The following TMEM120B variants were observed in gnomAD, a reference collection of about 807,000 sequenced individuals.
TMEM120B encodes transmembrane protein 120B.
TMEM120B carries 31 observed loss-of-function variants against 55.5 expected under a neutral mutation model. The ratio of observed to expected loss-of-function variants is 0.56; its 90% confidence interval spans 0.42 to 0.75. The LOEUF is 0.75. Among genes scored for constraint, TMEM120B ranks in the 30% least tolerant of loss-of-function variants. TMEM120B has a pLI of 0.00. For synonymous variants in TMEM120B, 203 were observed against 176.3 expected (o/e 1.15, Z -1.20); for missense variants, 399 against 425.5 (o/e 0.94, Z 0.55).
chr12:121,736,496 C>A (rs1370696984), intron 1 of TMEM120B, among the ~76,000 whole-genome samples: 2 of 150,910 alleles, frequency 1.3e-5, no homozygotes, highest in African/African-American at 2.5e-5. Flanking sequence ...TCAGGTGATC[C>A]GCCTGCCTTG....
At position 121,775,158 on chromosome 12, in the gene TMEM120B, G is replaced by A; in HGVS notation, c.906+28G>A. ...ATGGGGGGTGGGGGCATGCTCGGGG[G>A]AGGTTCCCGGGAGGGCTGGGGTGGC... is the stretch of plus-strand genomic sequence containing the variant. On this transcript the variant is annotated intron_variant, in intron 11 of 11. Coordinates refer to ENST00000449592, the MANE Select transcript of TMEM120B (RefSeq NM_001080825.2). This position sits in a 1 kb window ranked among gnomAD's most constrained non-coding sequence, Gnocchi z 4.3. 7.7e-7 allele frequency: 1 copy of A among 1,292,124 alleles called. No individual in the cohort carries two copies. The highest frequency in any genetic ancestry group is 1.2e-5 in the South Asian group (1 of 84,042). 80.0% of individuals were successfully genotyped at this position (1,292,124 alleles called of 1,614,324 possible).
intron 5 of TMEM120B, among the ~76,000 whole-genome samples, chr12:121,760,125 G>T (rs1343207764): frequency 9.1e-6 from 1 of 110,424 alleles, no homozygotes; most frequent in Non-Finnish European, 1.7e-5. Context: ...GCGAAACTAC[G>T]TCTCAAAAAA....
chr12:121,774,826 G>T (rs943678724), intron 10 of TMEM120B, 104 bp downstream of exon 10: 6 of 1,409,870 alleles, frequency 4.3e-6, no homozygotes, highest in East Asian at 4.9e-5. Context: ...CCATGCTGGG[G>T]CCCACAGCAT....
intron 5 of TMEM120B, among the ~76,000 whole-genome samples, chr12:121,753,599 C>T (rs1254478009): frequency 6.6e-6 from 1 of 151,500 alleles, no homozygotes; most frequent in African/African-American, 2.4e-5. Flanking sequence ...AAAGAATGTT[C>T]TGGAGTTAGG....
At chr12:121,760,008 A>G (rs1445126761) in intron 5 of TMEM120B, among the ~76,000 whole-genome samples, 1 of 150,116 alleles carries the variant, frequency 6.7e-6, no homozygotes, top group Non-Finnish European at 1.5e-5. Context: ...GTGTGCACCC[A>G]TAGTCCCAGC....
At chr12:121,771,436 T>G in intron 7 of TMEM120B, 52 bp from the exon 8 acceptor site, 3 of 1,479,238 alleles carry the variant, frequency 2.0e-6, no homozygotes, top group Non-Finnish European at 2.8e-6. Context: ...CGGGGAGGAA[T>G]GTCTCATTTC....
chr12:121,750,814 C>A (rs1873268187), intron 4 of TMEM120B, among the ~76,000 whole-genome samples: 1 of 124,964 alleles, frequency 8.0e-6, no homozygotes, highest in Non-Finnish European at 1.7e-5. Context: ...CCATACACAA[C>A]ACCCCACACC....
chr12:121,761,727 CA>C lies in TMEM120B; in HGVS notation c.542del (p.Asn181ThrfsTer22). ...CCATTCGGGAGAGCATTCTCATCAGCAACGGCTCAAGGTACCTGGGCACCTG... is the reference window on the plus strand; with the variant it reads ...CCATTCGGGAGAGCATTCTCATCAGCACGGCTCAAGGTACCTGGGCACCTG... ...LTIRESILIS[N>X]GSRIKGWWVS... On this transcript the variant is annotated frameshift_variant, in exon 6 of 12. Coordinates refer to ENST00000449592, the MANE Select transcript of TMEM120B (RefSeq NM_001080825.2). LOFTEE classifies it high-confidence loss of function. 1 of 1,613,724 alleles carries C rather than the reference CA, an allele frequency of 6.2e-7. No individual in the cohort carries two copies. The highest frequency in any genetic ancestry group is 1.1e-5 in the South Asian group (1 of 91,072).
At position 121,734,100 on chromosome 12, in the gene TMEM120B, C is replaced by T. The variant is rs77209278; in HGVS notation, c.70-9529C>T. ...TTTTTATCTACGGTGCATAAAACAA[C>T]GGCTGCCTGATGCTCGTGGATTCTG... On this transcript the variant is annotated intron_variant, in intron 1 of 11. Transcript: ENST00000449592. 0.011 allele frequency among the ~76,000 whole-genome samples: 1,603 copies of T among 152,108 alleles called. 58 individuals are homozygous for T. The East Asian group carries it at 0.15, about 14-fold the overall frequency.
chr12:121,766,617 C>A (rs1220550217), intron 6 of TMEM120B, among the ~76,000 whole-genome samples: 1 of 152,150 alleles, frequency 6.6e-6, no homozygotes, highest in Non-Finnish European at 1.5e-5. Flanking sequence ...GTCACTGTTG[C>A]CAGAGGACTG....
At chr12:121,746,472 C>T (rs1220973417) in intron 2 of TMEM120B, among the ~76,000 whole-genome samples, 2 of 152,128 alleles carry the variant, frequency 1.3e-5, no homozygotes, top group Admixed American at 6.5e-5. Flanking sequence ...CAGGCTTGAG[C>T]CACTGCACCC....
rs917388345 is a variant in TMEM120B at position 121,781,907 on chromosome 12, G to C, written c.*6185G>C. 3 of 152,232 alleles carry C rather than the reference G, an allele frequency of 2.0e-5. No individual in the cohort carries two copies. Among genetic ancestry groups the C allele is most frequent in the African/African-American group, 7.2e-5 (3 of 41,448 alleles). The allele number at this position is 152,232 out of a possible 1,614,324, so 9.4% of individuals were successfully genotyped here. A position where few individuals can be genotyped will look rare whatever the true frequency, so the allele number is the denominator to read the frequency against. On this transcript the variant is annotated 3_prime_UTR_variant, in exon 12 of 12. Transcript: ENST00000449592. ...GGGGGGATACTTTAATCCGGAGGCC[G>C]TGACGCCTGGCTCCGCCCCGAGACG... is the stretch of plus-strand genomic sequence containing the variant.
chr12:121,750,601 CACACCA>C (rs71079093), intron 4 of TMEM120B, among the ~76,000 whole-genome samples, 162 bp downstream of exon 4: 43,588 of 111,414 alleles, frequency 0.39, 10,270 homozygotes, highest in Middle Eastern at 0.52. Context: ...ACACCCCACC[CACACCA>C]ACACCAACAC....
At chr12:121,730,249 C>T (rs1156501844) in intron 1 of TMEM120B, among the ~76,000 whole-genome samples, 3 of 147,630 alleles carry the variant, frequency 2.0e-5, no homozygotes, top group Non-Finnish European at 3.0e-5. Context: ...CAGAGTGAGA[C>T]TCCATCTCAA....
rs927433350 is a variant in TMEM120B at position 121,781,491 on chromosome 12, C to T, written c.*5769C>T. 3.8e-5 allele frequency: 13 copies of T among 340,802 alleles called. No individual in the cohort carries two copies. Among genetic ancestry groups the T allele is most frequent in the African/African-American group, 1.5e-4 (7 of 47,408 alleles). The allele number at this position is 340,802 out of a possible 1,614,324, so 21.1% of individuals were successfully genotyped here. A position where few individuals can be genotyped will look rare whatever the true frequency, so the allele number is the denominator to read the frequency against. ...GTCTCTTAACAACAAAACCCATGAG[C>T]GGCAGCCCCCCAGTCCTGGATGGTG... On this transcript the variant is annotated 3_prime_UTR_variant, in exon 12 of 12. Coordinates refer to ENST00000449592, the MANE Select transcript of TMEM120B (RefSeq NM_001080825.2).
At chr12:121,774,009 G>T (rs1480373818) in intron 9 of TMEM120B, among the ~76,000 whole-genome samples, 1 of 122,452 alleles carries the variant, frequency 8.2e-6, no homozygotes, top group Non-Finnish European at 1.6e-5. Flanking sequence ...AGGCTGCATT[G>T]CAGTGGCACG....
intron 1 of TMEM120B, among the ~76,000 whole-genome samples, chr12:121,742,928 T>G (rs994068954): frequency 8.5e-5 from 13 of 152,104 alleles, no homozygotes; most frequent in Admixed American, 7.2e-4. Flanking sequence ...TTTCCCTAGA[T>G]TGTTGGTGTT....
chr12:121,713,489 C>T (rs1894638265), intron 1 of TMEM120B, among the ~76,000 whole-genome samples: 2 of 152,166 alleles, frequency 1.3e-5, no homozygotes, highest in Admixed American at 6.5e-5. Flanking sequence ...CCCCTATTTC[C>T]TGTCTTTGGG....
In TMEM120B at chr12:121,779,910, G is replaced by A. The variant is rs775230567; in HGVS notation, c.*4188G>A. 9.8e-5 allele frequency: 48 copies of A among 488,612 alleles called. No individual in the cohort carries two copies. Among genetic ancestry groups the A allele is most frequent in the Middle Eastern group, 9.6e-4 (3 of 3,132 alleles). The allele number at this position is 488,612 out of a possible 1,614,324, so 30.3% of individuals were successfully genotyped here. A position where few individuals can be genotyped will look rare whatever the true frequency, so the allele number is the denominator to read the frequency against. Reference sequence around the variant, plus strand: ...CCTGGCCTCTCTCCAGCTCCGGGCAGGGAGGGGCTGAATCCTGAGACCCGG... The same window carrying A: ...CCTGGCCTCTCTCCAGCTCCGGGCAAGGAGGGGCTGAATCCTGAGACCCGG... On this transcript the variant is annotated 3_prime_UTR_variant, in exon 12 of 12. Transcript: ENST00000449592.
Sources: gnomAD v4.1 joint callset for allele counts (sites outside exome capture counted in the v4.1 genomes callset) on GRCh38, gnomAD v4.1.1 for gene constraint, Gnocchi (gnomAD v3.1) non-coding constraint, MANE v1.5 for transcripts, NCBI Gene and HGNC (gene_info 2026-07-23, HGNC 2026-07-21) for gene names.